The following SNX13 variants were observed in gnomAD, a reference collection of about 807,000 sequenced individuals.
SNX13 encodes sorting nexin 13, also known as sorting nexin-13.
SNX13 carries 45 observed loss-of-function variants against 133.6 expected under a neutral mutation model. That is an observed-to-expected ratio of 0.34 (90% CI 0.27 to 0.43). SNX13 has a LOEUF of 0.43. Among genes scored for constraint, SNX13 ranks in the 20% least tolerant of loss-of-function variants. The pLI, the probability that SNX13 is intolerant of heterozygous loss-of-function variation, is 1.00. For missense variants in SNX13, 1,032 were observed against 1,145.1 expected (o/e 0.90, Z 1.43); for synonymous variants, 414 against 373.9 (o/e 1.11, Z -1.24).
chr7:17,930,959 A>T (rs1266645774), intron 1 of SNX13, among the ~76,000 whole-genome samples: 1 of 152,096 alleles, frequency 6.6e-6, no homozygotes, highest in Non-Finnish European at 1.5e-5. Context: ...TTCATCCCGA[A>T]ACCATTCCCC....
intron 5 of SNX13, among the ~76,000 whole-genome samples, chr7:17,887,066 T>C (rs1258777387): frequency 6.6e-6 from 1 of 152,130 alleles, no homozygotes; most frequent in African/African-American, 2.4e-5. Flanking sequence ...AAGTTAACTT[T>C]ACTGAACACT....
rs757863256 is a variant in SNX13, at chr7:17,890,327, A to C, written c.440+36T>G. On this transcript the variant is annotated intron_variant, in intron 5 of 25. Transcript: ENST00000428135. ...CCTTACTGGTACAAACCATACATCT[A>C]AATTTTTCTGCATAAATACAATGTC... 21 of 1,591,438 alleles carry C rather than the reference A, an allele frequency of 1.3e-5. No individual in the cohort carries two copies. In the African/African-American group the frequency reaches 2.6e-4, roughly 20 times the overall value.
intron 11 of SNX13, 129 bp downstream of exon 11, chr7:17,850,218 C>T: frequency 2.4e-6 from 1 of 425,020 alleles, no homozygotes; most frequent in Non-Finnish European, 4.0e-6. Flanking sequence ...GAAGAGAAAA[C>T]TCTTTTTAAA....
chr7:17,812,311 A>G (rs896864330), intron 20 of SNX13, among the ~76,000 whole-genome samples: 8 of 152,204 alleles, frequency 5.3e-5, no homozygotes, highest in Admixed American at 3.3e-4. Flanking sequence ...CAAGAAAAAA[A>G]ACAACCCCAT....
At chr7:17,910,962 G>A (rs559271247) in intron 1 of SNX13, among the ~76,000 whole-genome samples, 1 of 152,286 alleles carries the variant, frequency 6.6e-6, no homozygotes, top group South Asian at 2.1e-4. Flanking sequence ...ACACTAATTA[G>A]AGGTGGTGGT....
chr7:17,859,906 A>C (rs1792430174), intron 9 of SNX13, among the ~76,000 whole-genome samples: 1 of 152,166 alleles, frequency 6.6e-6, no homozygotes, highest in Non-Finnish European at 1.5e-5. Flanking sequence ...TCATCTGTTG[A>C]TAGACACTTA....
intron 12 of SNX13, 35 bp from the exon 13 acceptor site, chr7:17,840,035 A>G: frequency 1.9e-6 from 3 of 1,559,066 alleles, no homozygotes; most frequent in Non-Finnish European, 2.6e-6. Context: ...CATAAATATT[A>G]GTGTCACACA....
intron 20 of SNX13, among the ~76,000 whole-genome samples, chr7:17,813,693 C>A (rs1786321293): frequency 6.6e-6 from 1 of 151,152 alleles, no homozygotes; most frequent in African/African-American, 2.4e-5. Context: ...TTCAAGCAAT[C>A]CTCCCACCTC....
In SNX13 at chr7:17,791,628, A is replaced by G. The variant is rs1783550956; in HGVS notation, c.*2417T>C. On this transcript the variant is annotated 3_prime_UTR_variant, in exon 26 of 26. Coordinates refer to ENST00000428135, the MANE Select transcript of SNX13 (RefSeq NM_015132.5). ...TCGAAAGTTCTTGCCTAAAGGCACCACTGACTTAAAAAACATTCAAAATCA... is the reference window on the plus strand; with the variant it reads ...TCGAAAGTTCTTGCCTAAAGGCACCGCTGACTTAAAAAACATTCAAAATCA... 6.6e-6 allele frequency: 1 copy of G among 152,108 alleles called. No homozygotes were observed. The highest frequency in any genetic ancestry group is 1.5e-5 in the Non-Finnish European group (1 of 67,936). The allele number at this position is 152,108 out of a possible 1,614,324, so 9.4% of individuals were successfully genotyped here. A position where few individuals can be genotyped will look rare whatever the true frequency, so the allele number is the denominator to read the frequency against.
At chr7:17,938,454 T>C (rs1802364354) in intron 1 of SNX13, among the ~76,000 whole-genome samples, 1 of 152,232 alleles carries the variant, frequency 6.6e-6, no homozygotes, top group Admixed American at 6.5e-5. Context: ...GGGAAGACTT[T>C]AGTACAATTT....
chr7:17,940,038 T>C (rs1802628991), intron 1 of SNX13, among the ~76,000 whole-genome samples: 2 of 152,152 alleles, frequency 1.3e-5, no homozygotes, highest in African/African-American at 4.8e-5. Context: ...GGGAGACCAG[T>C]GCCAGGGGCG....
In SNX13 at chr7:17,933,404, G is replaced by A. The variant is rs754243512; in HGVS notation, c.12+6880C>T. On this transcript the variant is annotated intron_variant, in intron 1 of 25. Transcript: ENST00000428135. Reference sequence around the variant, plus strand: ...TAAAAACACAAAAAATTAGCCAGGCGTGCTGGCACGCGCCTGTAGTCCCAG... The same window carrying A: ...TAAAAACACAAAAAATTAGCCAGGCATGCTGGCACGCGCCTGTAGTCCCAG... 3.4e-4 allele frequency among the ~76,000 whole-genome samples: 52 copies of A among 152,168 alleles called. 1 individual carries two copies. The highest frequency in any genetic ancestry group is 6.5e-4 in the Non-Finnish European group (44 of 68,000).
At chr7:17,915,609 C>CTCTG (rs146061556) in intron 1 of SNX13, among the ~76,000 whole-genome samples, 11 of 151,396 alleles carry the variant, frequency 7.3e-5, no homozygotes, top group East Asian at 3.9e-4. Context: ...GGAGGTGTGT[C>CTCTG]TCTGTCTGTC....
intron 11 of SNX13, among the ~76,000 whole-genome samples, chr7:17,848,584 G>C (rs1790824314): frequency 6.6e-6 from 1 of 152,200 alleles, no homozygotes; most frequent in African/African-American, 2.4e-5. Context: ...GACAGCTGTA[G>C]GGCCTGAACA....
chr7:17,891,599 T>G lies in SNX13; in HGVS notation c.265A>C (p.Lys89Gln). The change falls in exon 4 of 26, where the codon AAG (lysine) becomes CAG (glutamine). Residue 89 changes from lysine to glutamine, a missense_variant. Transcript: ENST00000428135. ...GCACCCGTCAATCTTCTATCAATCT[T>G]AATAGTCCTGGCTTCCCGTTTCATT... ...EEMKREARTI[K>Q]IDRRLTGANI... 1 of 1,612,520 alleles carries G rather than the reference T, an allele frequency of 6.2e-7. No individual in the cohort carries two copies. The highest frequency in any genetic ancestry group is 8.5e-7 in the Non-Finnish European group (1 of 1,179,006).
At chr7:17,876,441 A>AT (rs1794727241) in intron 5 of SNX13, among the ~76,000 whole-genome samples, 1 of 152,090 alleles carries the variant, frequency 6.6e-6, no homozygotes, top group South Asian at 2.1e-4. Context: ...TTAGCCAGGC[A>AT]TGGTGGCATG....
intron 25 of SNX13, chr7:17,796,494 G>C: frequency 5.2e-6 from 1 of 192,032 alleles, no homozygotes; most frequent in Non-Finnish European, 1.1e-5. Context: ...GCAGAGCGAA[G>C]TGGCTAAAAG....
At chr7:17,891,449 T>C (rs558099933) in intron 4 of SNX13, 97 bp downstream of exon 4, 8 of 770,630 alleles carry the variant, frequency 1.0e-5, no homozygotes, top group Non-Finnish European at 1.6e-5. Flanking sequence ...AATTCCAGGA[T>C]ATTATTTAAA....
intron 20 of SNX13, among the ~76,000 whole-genome samples, chr7:17,811,041 A>C (rs1464802851): frequency 6.6e-6 from 1 of 152,258 alleles, no homozygotes; most frequent in African/African-American, 2.4e-5. Flanking sequence ...AAACACAGCC[A>C]ATATCATACT....
Sources: allele counts gnomAD v4.1 joint callset (sites outside exome capture counted in the v4.1 genomes callset), GRCh38; gene constraint gnomAD v4.1.1; transcripts MANE v1.5; gene names NCBI Gene and HGNC (gene_info 2026-07-23, HGNC 2026-07-21).